Variants in EPHA5 observed in about 807,000 individuals in gnomAD.
The protein encoded by EPHA5 is ephrin type-A receptor 5.
In EPHA5, 60 loss-of-function variants were observed where a neutral mutation model predicts 105.0. That is an observed-to-expected ratio of 0.57 (90% CI 0.46 to 0.71). The LOEUF (loss-of-function observed/expected upper bound fraction) is 0.71. Among genes scored for constraint, EPHA5 ranks in the 30% least tolerant of loss-of-function variants. The probability of loss-of-function intolerance (pLI) is 0.00; values close to 1 mark genes in which losing one functional copy is unlikely to be tolerated. For missense variants in EPHA5, 1,218 were observed against 1,274.7 expected (o/e 0.96, Z 0.68); for synonymous variants, 513 against 449.1 (o/e 1.14, Z -1.80).
At chr4:65,392,450 A>AT (rs1182097278) in intron 8 of EPHA5, among the ~76,000 whole-genome samples, 1 of 152,064 alleles carries the variant, frequency 6.6e-6, no homozygotes, top group Non-Finnish European at 1.5e-5. Context: ...CATAAAATTT[A>AT]TTTTTCTTAT....
intron 3 of EPHA5, among the ~76,000 whole-genome samples, chr4:65,532,071 A>C (rs1049212924): frequency 1.3e-5 from 2 of 152,150 alleles, no homozygotes; most frequent in Admixed American, 6.6e-5. Flanking sequence ...AATTAAGTAC[A>C]CTAGGCAGGA....
intron 4 of EPHA5, 137 bp downstream of exon 4, chr4:65,495,251 G>A: frequency 1.1e-6 from 1 of 902,562 alleles, no homozygotes; most frequent in Non-Finnish European, 1.6e-6. Context: ...TTGAAAATTG[G>A]TGAAAACTGT....
chr4:65,645,750 A>G (rs1467636961), intron 1 of EPHA5, among the ~76,000 whole-genome samples: 1 of 152,054 alleles, frequency 6.6e-6, no homozygotes, highest in Non-Finnish European at 1.5e-5. Flanking sequence ...GAATAACTAC[A>G]TTAGGAATCT....
intron 11 of EPHA5, among the ~76,000 whole-genome samples, chr4:65,357,946 C>T (rs76140357): frequency 0.09 from 13,618 of 151,396 alleles, 801 homozygotes; most frequent in Non-Finnish European, 0.12. Context: ...CCTGGTAATA[C>T]AATCCTTTGC....
At chr4:65,352,916 T>C (rs1722955310) in intron 12 of EPHA5, 126 bp downstream of exon 12, 1 of 444,574 alleles carries the variant, frequency 2.2e-6, no homozygotes, top group Non-Finnish European at 4.0e-6. Flanking sequence ...TAAATTTCTG[T>C]TCTATTAAAA....
At chr4:65,535,434 C>G (rs1296815675) in intron 3 of EPHA5, among the ~76,000 whole-genome samples, 2 of 152,072 alleles carry the variant, frequency 1.3e-5, no homozygotes, top group African/African-American at 2.4e-5. Flanking sequence ...AGTCTCAAAC[C>G]AGAGTTTCTG....
chr4:65,517,805 T>A (rs112741016), intron 3 of EPHA5, among the ~76,000 whole-genome samples: 6 of 152,054 alleles, frequency 3.9e-5, no homozygotes, highest in African/African-American at 1.4e-4. Context: ...GATACAAAAA[T>A]GTAGCCCTTT....
chr4:65,623,791 AC>A (rs1272834371), intron 2 of EPHA5, among the ~76,000 whole-genome samples: 1 of 152,158 alleles, frequency 6.6e-6, no homozygotes, highest in East Asian at 1.9e-4. Context: ...CTGTCATAAA[AC>A]AAAAATTATT....
At chr4:65,492,988 G>GTTT (rs5858963) in intron 4 of EPHA5, among the ~76,000 whole-genome samples, 105,538 of 148,586 alleles carry the variant, frequency 0.71, 37,530 homozygotes, top group East Asian at 0.87. Context: ...GTTTTGTTTT[G>GTTT]TTTTGTTTTT....
chr4:65,481,908 A>T (rs1470922410), intron 5 of EPHA5, among the ~76,000 whole-genome samples: 1 of 152,216 alleles, frequency 6.6e-6, no homozygotes, highest in Non-Finnish European at 1.5e-5. Context: ...AGGCTAAGTT[A>T]AATAAAGTTC....
chr4:65,454,610 A>T (rs1727393947), intron 5 of EPHA5, among the ~76,000 whole-genome samples: 1 of 152,314 alleles, frequency 6.6e-6, no homozygotes, highest in Non-Finnish European at 1.5e-5. Flanking sequence ...GCATCCTGAC[A>T]CTTAGAGTTT....
At chr4:65,393,077 C>T (rs934515313) in intron 8 of EPHA5, among the ~76,000 whole-genome samples, 2 of 152,088 alleles carry the variant, frequency 1.3e-5, no homozygotes, top group Non-Finnish European at 2.9e-5. Flanking sequence ...TTCCTCTATT[C>T]ATGACAGAAA....
chr4:65,540,587 G>A (rs536889371), intron 3 of EPHA5, among the ~76,000 whole-genome samples: 21 of 151,456 alleles, frequency 1.4e-4, no homozygotes, highest in African/African-American at 3.9e-4. Flanking sequence ...AAAGCATTTC[G>A]AAAGATTCTC....
chr4:65,381,909 A>G (rs1232450875), intron 8 of EPHA5, among the ~76,000 whole-genome samples: 1 of 151,832 alleles, frequency 6.6e-6, no homozygotes, highest in Non-Finnish European at 1.5e-5. Flanking sequence ...TCAAAGAGGC[A>G]AGCACCTTCA....
At chr4:65,617,801 A>T (rs1218219580) in intron 2 of EPHA5, among the ~76,000 whole-genome samples, 1 of 152,150 alleles carries the variant, frequency 6.6e-6, no homozygotes, top group Admixed American at 6.5e-5. Flanking sequence ...TACTACTTGA[A>T]TCACTGTGAA....
In EPHA5 at chr4:65,601,704, GCCACTCCCCTT is replaced by G; in HGVS notation, c.836_846del (p.Glu279AlafsTer14). ...CACATGCATTTCCCGATGGGCACCA[GCCACTCCCCTT>G]CGGCGCTGCAGTGCATTTTGGGAGG... On this transcript the variant is annotated frameshift_variant, in exon 3 of 17. Coordinates refer to ENST00000613740, the MANE Select transcript of EPHA5 (RefSeq NM_001281766.3). LOFTEE classifies it high-confidence loss of function. The G allele has an allele frequency of 6.2e-7, 1 of 1,614,134 alleles. No individual in the cohort carries two copies. The highest frequency in any genetic ancestry group is 8.5e-7 in the Non-Finnish European group (1 of 1,180,026).
intron 2 of EPHA5, among the ~76,000 whole-genome samples, chr4:65,628,311 C>T (rs948344800): frequency 3.3e-5 from 5 of 151,984 alleles, no homozygotes; most frequent in Admixed American, 1.3e-4. Flanking sequence ...TTTCAAAGGA[C>T]AGCACAATAC....
intron 5 of EPHA5, among the ~76,000 whole-genome samples, chr4:65,476,099 T>TGAGAGAGAGAGA (rs35934629): frequency 2.9e-5 from 4 of 138,228 alleles, no homozygotes; most frequent in African/African-American, 8.3e-5. Flanking sequence ...TCAAAATCAC[T>TGAGAGAGAGAGA]GAGAGAGAGA....
intron 3 of EPHA5, among the ~76,000 whole-genome samples, chr4:65,596,674 A>G (rs1743219331): frequency 1.1e-5 from 1 of 88,238 alleles, no homozygotes; most frequent in Non-Finnish European, 2.6e-5. Context: ...GTGCCTCACA[A>G]AAGCAGAACA....
Sources: gnomAD v4.1 joint callset for allele counts (sites outside exome capture counted in the v4.1 genomes callset) on GRCh38, gnomAD v4.1.1 for gene constraint, MANE v1.5 for transcripts, NCBI Gene and HGNC (gene_info 2026-07-23, HGNC 2026-07-21) for gene names.